The following GHRL variants were observed in gnomAD, a reference collection of about 807,000 sequenced individuals.
The protein encoded by GHRL is ghrelin and obestatin prepropeptide.
A neutral mutation model predicts 16.9 loss-of-function variants in GHRL; 24 were observed. The ratio of observed to expected loss-of-function variants is 1.42; its 90% CI spans 1.03 to 2.00. The LOEUF is 2.00. Among genes scored for constraint, GHRL ranks in the 30% most tolerant of loss-of-function variants. GHRL has a pLI of 0.00. For synonymous variants in GHRL, 63 were observed against 58.2 expected, an observed-to-expected ratio of 1.08 and a Z score of -0.37; for missense variants, 193 against 142.1, an observed-to-expected ratio of 1.36 and a Z score of -1.82.
At chr3:10,288,017 C>G (rs1699348587) in intron 4 of GHRL, 1 of 146,656 alleles carries the variant, frequency 6.8e-6, no homozygotes, top group Non-Finnish European at 1.5e-5. Flanking sequence ...TGCGGGGTGG[C>G]TGATCACCTG....
In GHRL at chr3:10,286,748, G is replaced by A; in HGVS notation, c.290C>T (p.Ala97Val). The change falls in exon 5 of 6, where the codon GCC becomes GTC. Residue 97 changes from alanine to valine, a missense_variant. Coordinates refer to ENST00000335542, the MANE Select transcript of GHRL (RefSeq NM_016362.5). ...GATGTCCTGAAGAAACTTCCCCAGG[G>A]CCTGGCTGTGCTGCTGGTACTGAAC... ...SGVQYQQHSQ[A>V]LGKFLQDILW... 1 of 1,612,718 alleles carries A rather than the reference G, an allele frequency of 6.2e-7. No individual in the cohort carries two copies. Among genetic ancestry groups the A allele is most frequent in the Admixed American group, 1.7e-5 (1 of 60,028 alleles).
chr3:10,287,977 T>C (rs2125201946), intron 4 of GHRL: 1 of 138,734 alleles, frequency 7.2e-6, no homozygotes, highest in East Asian at 2.5e-4. Context: ...CTCCAGTAAA[T>C]ACTTGTTTTT....
chr3:10,290,881 C>T lies in GHRL; in HGVS notation c.-195G>A. ...ATGTTCTTGTCCTCTGGGTAGAAGT[C>T]AACAGTGGAGGTCAGATGCCCTGCG... On this transcript the variant is annotated 5_prime_UTR_variant, in exon 2 of 6. It removes the in-frame stop codon of an upstream open reading frame in the 5' UTR. Transcript: ENST00000335542. 1.0e-6 allele frequency: 1 copy of T among 985,628 alleles called. No homozygotes were observed. Among genetic ancestry groups the T allele is most frequent in the Non-Finnish European group, 1.2e-6 (1 of 830,026 alleles). 61.1% of individuals were successfully genotyped at this position (985,628 alleles called of 1,614,324 possible). A position where few individuals can be genotyped will look rare whatever the true frequency, so the allele number is the denominator to read the frequency against.
chr3:10,286,646 T>G (rs1699113855), intron 5 of GHRL, 58 bp downstream of exon 5: 7 of 871,858 alleles, frequency 8.0e-6, no homozygotes, highest in Non-Finnish European at 1.2e-5. Flanking sequence ...ACCCACAGAG[T>G]GAACTCCCAT....
intron 2 of GHRL, 178 bp from the exon 3 acceptor site, chr3:10,290,387 T>C (rs1699814313): frequency 3.3e-6 from 2 of 611,694 alleles, no homozygotes; most frequent in South Asian, 4.0e-5. Flanking sequence ...TGTGTTCTCT[T>C]CTCCAAGGCC....
In GHRL at chr3:10,287,913, A is replaced by ATTTTTTTTTTTTTTTTTTTTTTTTTTTT. The variant is rs1576049089; in HGVS notation, c.226-1102_226-1101insAAAAAAAAAAAAAAAAAAAAAAAAAAAA. On this transcript the variant is annotated intron_variant, in intron 4 of 5. Coordinates refer to ENST00000335542, the MANE Select transcript of GHRL (RefSeq NM_016362.5). Reference sequence around the variant, plus strand: ...GACCCAGTGGGGAATGACATGATTGAATTTTTTTTTTTTTTTTTTTTTTTT... The same window carrying ATTTTTTTTTTTTTTTTTTTTTTTTTTTT: ...GACCCAGTGGGGAATGACATGATTGATTTTTTTTTTTTTTTTTTTTTTTTTTTTATTTTTTTTTTTTTTTTTTTTTTTT... 4.5e-5 allele frequency: 4 copies of ATTTTTTTTTTTTTTTTTTTTTTTTTTTT among 87,952 alleles called. 2 individuals are homozygous for ATTTTTTTTTTTTTTTTTTTTTTTTTTTT. Among genetic ancestry groups the ATTTTTTTTTTTTTTTTTTTTTTTTTTTT allele is most frequent in the African/African-American group, 6.9e-5 (2 of 28,938 alleles). 5.4% of individuals were successfully genotyped at this position (87,952 alleles called of 1,614,324 possible).
Position 10,285,843 on chromosome 3 carries a change from CT to C in GHRL, c.*31del. The C allele has an allele frequency of 6.2e-7, 1 of 1,604,242 alleles. No homozygotes were observed. Among genetic ancestry groups the C allele is most frequent in the Non-Finnish European group, 8.5e-7 (1 of 1,171,088 alleles). On this transcript the variant is annotated 3_prime_UTR_variant, in exon 6 of 6. Coordinates refer to ENST00000335542, the MANE Select transcript of GHRL (RefSeq NM_016362.5). ...GAAAAGCCAGATGAGCGCTTCTAAA[CT>C]TAGAGAGAGGTGAGTAAGGCTTGTG...
At position 10,291,174 on chromosome 3, in the gene GHRL, GT is replaced by G; in HGVS notation, c.-489del. 1 of 985,600 alleles carries G rather than the reference GT, an allele frequency of 1.0e-6. No homozygotes were observed. The highest frequency in any genetic ancestry group is 1.2e-6 in the Non-Finnish European group (1 of 830,116). The allele number at this position is 985,600 out of a possible 1,614,324, so 61.1% of individuals were successfully genotyped here. ...ATGTGCTGTTGCTGCTCTGGCCTCT[GT>G]GAGCCCCGGGAGTCCGCAGGGAGCC... On this transcript the variant is annotated 5_prime_UTR_variant, in exon 2 of 6. Coordinates refer to ENST00000335542, the MANE Select transcript of GHRL (RefSeq NM_016362.5).
chr3:10,291,325 T>C lies in GHRL; in HGVS notation c.-639A>G. On this transcript the variant is annotated 5_prime_UTR_variant, in exon 2 of 6. It removes an upstream start codon present in the reference 5' UTR. Coordinates refer to ENST00000335542, the MANE Select transcript of GHRL (RefSeq NM_016362.5). Reference sequence around the variant, plus strand: ...TCAGCCAGTGGCTATGCTTCAGTCATTTCTGCCAGGTGTGACATGACTGCC... The same window carrying C: ...TCAGCCAGTGGCTATGCTTCAGTCACTTCTGCCAGGTGTGACATGACTGCC... 4 of 985,516 alleles carry C rather than the reference T, an allele frequency of 4.1e-6. No individual in the cohort carries two copies. Among genetic ancestry groups the C allele is most frequent in the Non-Finnish European group, 4.8e-6 (4 of 829,982 alleles). The allele number at this position is 985,516 out of a possible 1,614,324, so 61.0% of individuals were successfully genotyped here. A position where few individuals can be genotyped will look rare whatever the true frequency, so the allele number is the denominator to read the frequency against.
rs781642540 is a variant in GHRL at position 10,290,212 on chromosome 3, G to C, written c.-29-3C>G. 3 of 1,589,446 alleles carry C rather than the reference G, an allele frequency of 1.9e-6. No individual in the cohort carries two copies. In the African/African-American group the frequency reaches 4.0e-5, roughly 21 times the overall value. ...AGCTGGGTTGCAGACAGGTGGGCCT[G>C]GGGGAGAGAGGGTCTCCAGGCAGCT... On this transcript the variant is annotated splice_polypyrimidine_tract_variant and splice_region_variant and intron_variant, in intron 2 of 5. Coordinates refer to ENST00000335542, the MANE Select transcript of GHRL (RefSeq NM_016362.5).
chr3:10,291,737 C>T (rs1237850072), intron 1 of GHRL, among the ~76,000 whole-genome samples: 1 of 152,190 alleles, frequency 6.6e-6, no homozygotes, highest in African/African-American at 2.4e-5. Context: ...AGGCAGGAAC[C>T]CCTAAGGGCC....
rs1699761584 is a variant in GHRL, at chr3:10,290,176, G to A, written c.5C>T (p.Pro2Leu). 1.9e-6 allele frequency: 3 copies of A among 1,610,866 alleles called. No individual in the cohort carries two copies. The highest frequency in any genetic ancestry group is 2.5e-6 in the Non-Finnish European group (3 of 1,179,328). ...GAGGCTGCAGACGGTCCCTGGGGAG[G>A]GCATGGCCTCAGCTGGGTTGCAGAC... is the stretch of plus-strand genomic sequence containing the variant. M[P>L]SPGTVCSLLL... Residue 2 changes from proline to leucine, a missense_variant, in exon 3 of 6, where the codon CCC becomes CTC. Pro to Leu is a moderately conservative substitution (Grantham distance 98, BLOSUM62 -3). Coordinates refer to ENST00000335542, the MANE Select transcript of GHRL (RefSeq NM_016362.5).
At chr3:10,290,287 G>C in intron 2 of GHRL, 78 bp from the exon 3 acceptor site, 1 of 1,421,586 alleles carries the variant, frequency 7.0e-7, no homozygotes, top group Non-Finnish European at 9.6e-7. Context: ...GAGCCCAGCA[G>C]ATGGCGTGAA....
At chr3:10,289,654 G>A in intron 4 of GHRL, 108 bp downstream of exon 4, 2 of 782,144 alleles carry the variant, frequency 2.6e-6, no homozygotes, top group Non-Finnish European at 4.7e-6. Flanking sequence ...ATAGTTCTGG[G>A]GAGCTTGTAG....
At position 10,285,716 on chromosome 3, in the gene GHRL, T is replaced by G; in HGVS notation, c.*159A>C. On this transcript the variant is annotated 3_prime_UTR_variant, in exon 6 of 6. Coordinates refer to ENST00000335542, the MANE Select transcript of GHRL (RefSeq NM_016362.5). ...TTTAAAGTAAAATATTAACTTTTCC[T>G]CTTTGAAATAAATTCCCATTTGGAA... is the stretch of plus-strand genomic sequence containing the variant. 1.6e-6 allele frequency: 1 copy of G among 608,448 alleles called. No homozygotes were observed. Among genetic ancestry groups the G allele is most frequent in the Non-Finnish European group, 3.0e-6 (1 of 331,920 alleles). The allele number at this position is 608,448 out of a possible 1,614,324, so 37.7% of individuals were successfully genotyped here. A position where few individuals can be genotyped will look rare whatever the true frequency, so the allele number is the denominator to read the frequency against.
In GHRL at chr3:10,292,815, CT is replaced by C. The variant is rs1436500377; in HGVS notation, c.-766+26del. ...AATCCTAACTGTGGTGACCAGGTAC[CT>C]CCTGAGACATGAAGCCTCCACTTAC... On this transcript the variant is annotated intron_variant, in intron 1 of 5. Transcript: ENST00000335542. 2.2e-6 allele frequency: 3 copies of C among 1,369,296 alleles called. No individual in the cohort carries two copies. The African/African-American group carries it at 4.4e-5, about 20-fold the overall frequency. 84.8% of individuals were successfully genotyped at this position (1,369,296 alleles called of 1,614,324 possible). A position where few individuals can be genotyped will look rare whatever the true frequency, so the allele number is the denominator to read the frequency against.
rs924332571 is a variant in GHRL at position 10,291,360 on chromosome 3, G to A, written c.-674C>T. ...GTGTGACATGACTGCCTGGCCTGGC[G>A]TTTTTTCACATAGCAGCTTGCCTTG... On this transcript the variant is annotated 5_prime_UTR_variant, in exon 2 of 6. The change creates a new upstream start codon in the 5' untranslated region. Transcript: ENST00000335542. 79 of 985,394 alleles carry A rather than the reference G, an allele frequency of 8.0e-5. 1 individual carries two copies. In the African/African-American group the frequency reaches 1.1e-3, roughly 14 times the overall value. The allele number at this position is 985,394 out of a possible 1,614,324, so 61.0% of individuals were successfully genotyped here. A position where few individuals can be genotyped will look rare whatever the true frequency, so the allele number is the denominator to read the frequency against.
Position 10,289,749 on chromosome 3 carries a change from C to A in GHRL, c.225+13G>T. 1 of 1,513,876 alleles carries A rather than the reference C, an allele frequency of 6.6e-7. No individual in the cohort carries two copies. Among genetic ancestry groups the A allele is most frequent in the Non-Finnish European group, 9.2e-7 (1 of 1,088,470 alleles). The allele number at this position is 1,513,876 out of a possible 1,614,324, so 93.8% of individuals were successfully genotyped here. On this transcript the variant is annotated intron_variant, in intron 4 of 5. Coordinates refer to ENST00000335542, the MANE Select transcript of GHRL (RefSeq NM_016362.5). ...TCGCTGCCACAGAAGCATAAAACTG[C>A]AGAGGTACCGACCCGGACTTCCAGT...
chr3:10,285,891 G>C lies in GHRL; in HGVS notation c.338C>G (p.Ala113Gly). 1 of 1,613,258 alleles carries C rather than the reference G, an allele frequency of 6.2e-7. No homozygotes were observed. Among genetic ancestry groups the C allele is most frequent in the Non-Finnish European group, 8.5e-7 (1 of 1,179,234 alleles). The stretch of plus-strand genomic sequence containing the variant: ...TGTGGGCGATCACTTGTCGGCTGGG[G>C]CCTCTGGAAAGCAAGAGGTTGAGTA... ...QDILWEEAKE[A>G]PADK Residue 113 changes from alanine to glycine, a missense_variant, in exon 6 of 6, where the codon GCC becomes GGC. Physicochemically the swap from Ala to Gly is moderately conservative, Grantham distance 60 (BLOSUM62 0). Transcript: ENST00000335542.
Sources: gnomAD v4.1 joint callset for allele counts (sites outside exome capture counted in the v4.1 genomes callset) on GRCh38, gnomAD v4.1.1 for gene constraint, MANE v1.5 for transcripts, NCBI Gene and HGNC (gene_info 2026-07-23, HGNC 2026-07-21) for gene names.